The following TBPL1 variants were observed in gnomAD, a reference collection of about 807,000 sequenced individuals.
TBPL1 encodes TATA box-binding protein-like 1.
TBPL1 carries 4 observed loss-of-function variants against 22.1 expected under a neutral mutation model. The observed-to-expected ratio is 0.18, with a 90% confidence interval of 0.09 to 0.41. TBPL1 has a LOEUF of 0.41. Ranked by LOEUF, TBPL1 falls within the 10% of genes least tolerant of loss-of-function variation. The pLI, the probability that TBPL1 is intolerant of heterozygous loss-of-function variation, is 1.00. For missense variants in TBPL1, 115 were observed against 222.3 expected (o/e 0.52, Z 3.07); for synonymous variants, 64 against 71.0 (o/e 0.90, Z 0.50).
intron 1 of TBPL1, among the ~76,000 whole-genome samples, chr6:133,961,233 A>G (rs538005625): frequency 6.6e-6 from 1 of 152,204 alleles, no homozygotes; most frequent in East Asian, 1.9e-4. Context: ...TAATTCATCA[A>G]CTTTTTATTG....
At chr6:133,957,185 A>G (rs1408757205) in intron 1 of TBPL1, among the ~76,000 whole-genome samples, 1 of 152,196 alleles carries the variant, frequency 6.6e-6, no homozygotes, top group Non-Finnish European at 1.5e-5. Context: ...AAAACTCAAT[A>G]GGGTGATTTC....
intron 4 of TBPL1, among the ~76,000 whole-genome samples, chr6:133,983,318 A>G: frequency 6.6e-6 from 1 of 152,236 alleles, no homozygotes; most frequent in African/African-American, 2.4e-5. Context: ...CCTCATCACT[A>G]TAACTTGATA....
At chr6:133,979,631 G>A (rs145623205) in intron 1 of TBPL1, among the ~76,000 whole-genome samples, 136 of 152,176 alleles carry the variant, frequency 8.9e-4, no homozygotes, top group African/African-American at 3.0e-3. Context: ...ATTTTTAGTG[G>A]GGAAAAGAAA....
chr6:133,979,722 C>T (rs1314464874), intron 1 of TBPL1, among the ~76,000 whole-genome samples: 1 of 152,170 alleles, frequency 6.6e-6, no homozygotes, highest in East Asian at 1.9e-4. Flanking sequence ...TCTCGGCTCA[C>T]TGCAACCTCC....
chr6:133,975,023 T>C (rs1402228426), intron 1 of TBPL1, among the ~76,000 whole-genome samples: 1 of 152,180 alleles, frequency 6.6e-6, no homozygotes, highest in East Asian at 1.9e-4. Flanking sequence ...AAGTATTAAG[T>C]ATTCAACTTA....
At chr6:133,954,415 CTT>C (rs1005905872) in intron 1 of TBPL1, among the ~76,000 whole-genome samples, 2 of 152,250 alleles carry the variant, frequency 1.3e-5, no homozygotes, top group African/African-American at 4.8e-5. Context: ...TTCGCAGTCT[CTT>C]TGAGAAAATG....
intron 1 of TBPL1, among the ~76,000 whole-genome samples, chr6:133,972,492 A>G (rs535387278): frequency 4.6e-5 from 7 of 152,266 alleles, no homozygotes; most frequent in Non-Finnish European, 8.8e-5. Context: ...ACTTTTTCTT[A>G]AAGGGCCAGA....
At chr6:133,961,984 G>T (rs1024914331) in intron 1 of TBPL1, among the ~76,000 whole-genome samples, 5 of 152,178 alleles carry the variant, frequency 3.3e-5, no homozygotes, top group South Asian at 4.2e-4. Context: ...GTGTCTACCC[G>T]CAGAGCTTGG....
chr6:133,978,122 G>A (rs1776345703), intron 1 of TBPL1, among the ~76,000 whole-genome samples: 1 of 152,278 alleles, frequency 6.6e-6, no homozygotes, highest in South Asian at 2.1e-4. Flanking sequence ...AAGGCAAGGT[G>A]GAATGGATGT....
intron 1 of TBPL1, among the ~76,000 whole-genome samples, chr6:133,961,052 A>G (rs891906456): frequency 6.6e-6 from 1 of 152,202 alleles, no homozygotes; most frequent in African/African-American, 2.4e-5. Flanking sequence ...AGCACTAAGT[A>G]GTATAATATA....
At chr6:133,953,788 C>T (rs1775880207) in intron 1 of TBPL1, among the ~76,000 whole-genome samples, 1 of 152,130 alleles carries the variant, frequency 6.6e-6, no homozygotes, top group Non-Finnish European at 1.5e-5. Flanking sequence ...GATTCCTCAT[C>T]TGTCTCGGAG....
rs929992398 is a variant in TBPL1, at chr6:133,960,832, T to C, written c.-45+7407T>C. ...ATAGAACATGGGTGAGTTAGAACCCTTGGGGATGAAGAAAAGGAGACAGTA... is the reference window on the plus strand; with the variant it reads ...ATAGAACATGGGTGAGTTAGAACCCCTGGGGATGAAGAAAAGGAGACAGTA... On this transcript the variant is annotated intron_variant, in intron 1 of 6. Coordinates refer to ENST00000237264, the MANE Select transcript of TBPL1 (RefSeq NM_004865.4). Among the ~76,000 whole-genome samples, 47 of 152,270 alleles carry C rather than the reference T, an allele frequency of 3.1e-4. No homozygotes were observed. In the Middle Eastern group the frequency reaches 0.01, roughly 33 times the overall value.
intron 1 of TBPL1, among the ~76,000 whole-genome samples, chr6:133,971,694 A>G (rs927907986): frequency 2.0e-5 from 3 of 151,846 alleles, no homozygotes; most frequent in Non-Finnish European, 4.4e-5. Context: ...GTGATGTTGA[A>G]CATTTTTTCA....
chr6:133,985,306 AT>A (rs1302337404), intron 6 of TBPL1, among the ~76,000 whole-genome samples: 1 of 56,988 alleles, frequency 1.8e-5, no homozygotes, highest in African/African-American at 8.9e-5. Flanking sequence ...AAATATATAT[AT>A]ATATATATAT....
intron 1 of TBPL1, among the ~76,000 whole-genome samples, chr6:133,979,334 A>C (rs182253576): frequency 9.8e-5 from 15 of 152,320 alleles, no homozygotes; most frequent in Non-Finnish European, 1.8e-4. Flanking sequence ...ACTCTGCTTG[A>C]AATAGAAGTA....
intron 1 of TBPL1, among the ~76,000 whole-genome samples, chr6:133,958,665 G>C (rs545689383): frequency 7.9e-5 from 12 of 152,268 alleles, no homozygotes; most frequent in African/African-American, 2.9e-4. Flanking sequence ...AAATGTTTCT[G>C]CCTAAACAAA....
At chr6:133,981,389 A>T (rs1241126730) in intron 2 of TBPL1, among the ~76,000 whole-genome samples, 1 of 152,232 alleles carries the variant, frequency 6.6e-6, no homozygotes, top group Non-Finnish European at 1.5e-5. Context: ...TAGAAAAGTA[A>T]TAAATATGTC....
chr6:133,974,032 G>T (rs1002035848), intron 1 of TBPL1, among the ~76,000 whole-genome samples: 2 of 146,262 alleles, frequency 1.4e-5, no homozygotes, highest in Admixed American at 1.4e-4. Flanking sequence ...TCACCCTGCT[G>T]TGCCAATTCT....
Position 133,984,447 on chromosome 6 carries a change from A to G in TBPL1, c.354A>G (p.Pro118=). 1 of 1,613,824 alleles carries G rather than the reference A, an allele frequency of 6.2e-7. No individual in the cohort carries two copies. The highest frequency in any genetic ancestry group is 8.5e-7 in the Non-Finnish European group (1 of 1,179,870). Residue 118 remains proline, a synonymous_variant, in exon 5 of 7, where the codon CCA becomes CCG. Coordinates refer to ENST00000237264, the MANE Select transcript of TBPL1 (RefSeq NM_004865.4). ...VCNMPFEIRL[P]EFTKNNRPHA... ...ACATGCCATTTGAAATCCGTTTGCC[A>G]GAATTCACAAAGAACAATAGACCTC... is the stretch of plus-strand genomic sequence containing the variant.
Sources: gnomAD v4.1 joint callset for allele counts (sites outside exome capture counted in the v4.1 genomes callset) on GRCh38, gnomAD v4.1.1 for gene constraint, MANE v1.5 for transcripts, NCBI Gene and HGNC (gene_info 2026-07-23, HGNC 2026-07-21) for gene names.